Variants in C2CD5 observed in about 807,000 individuals in gnomAD.
The protein encoded by C2CD5 is C2 domain-containing protein 5.
In C2CD5, 109 loss-of-function variants were observed where a neutral mutation model predicts 130.3. The observed-to-expected ratio is 0.84, with a 90% CI of 0.72 to 0.98. The LOEUF is 0.98. Ranked by LOEUF, C2CD5 falls within the 50% of genes least tolerant of loss-of-function variation. The probability of loss-of-function intolerance (pLI) is 0.00; values close to 1 mark genes in which losing one functional copy is unlikely to be tolerated. For missense variants in C2CD5, 996 were observed against 1,261.8 expected (o/e 0.79, Z 3.19); for synonymous variants, 454 against 429.2 (o/e 1.06, Z -0.71).
intron 9 of C2CD5, among the ~76,000 whole-genome samples, chr12:22,509,965 G>A (rs941130307): frequency 6.6e-6 from 1 of 152,084 alleles, no homozygotes; most frequent in Non-Finnish European, 1.5e-5. Flanking sequence ...AGCACTTTGG[G>A]AGGCTGAGGT....
At chr12:22,463,067 G>A (rs996698495) in intron 22 of C2CD5, among the ~76,000 whole-genome samples, 61 of 150,882 alleles carry the variant, frequency 4.0e-4, no homozygotes, top group African/African-American at 1.4e-3. Flanking sequence ...CTGGGGGACA[G>A]AGTAAGACCC....
chr12:22,487,338 T>C (rs907048798), intron 12 of C2CD5, among the ~76,000 whole-genome samples: 4 of 151,660 alleles, frequency 2.6e-5, no homozygotes, highest in African/African-American at 4.9e-5. Context: ...GAATCTACAA[T>C]GAACTCAAAC....
chr12:22,478,705 G>T (rs552402224), intron 14 of C2CD5, among the ~76,000 whole-genome samples: 2 of 152,162 alleles, frequency 1.3e-5, no homozygotes, highest in South Asian at 2.1e-4. Flanking sequence ...AATTAGCCAG[G>T]TGTAGTGGTG....
rs759453788 is a variant in C2CD5, at chr12:22,452,531, C to G, written c.3024+1365G>C. On this transcript the variant is annotated intron_variant, in intron 26 of 26. Transcript: ENST00000446597. Reference sequence around the variant, plus strand: ...CTTTTAGATATGCCCCAATTATCTACCAAAAACCCTCCTAGGATGTTTCAT... The same window carrying G: ...CTTTTAGATATGCCCCAATTATCTAGCAAAAACCCTCCTAGGATGTTTCAT... Among the ~76,000 whole-genome samples the G allele has an allele frequency of 7.9e-5, 12 of 152,232 alleles. 1 individual carries two copies. The South Asian group carries it at 2.5e-3, about 32-fold the overall frequency.
intron 11 of C2CD5, among the ~76,000 whole-genome samples, 163 bp from the exon 12 acceptor site, chr12:22,490,381 A>C (rs11046443): frequency 0.06 from 9,108 of 152,272 alleles, 919 homozygotes; most frequent in African/African-American, 0.21. Context: ...CCTAGCCTAG[A>C]AAACAGAAGT....
intron 10 of C2CD5, among the ~76,000 whole-genome samples, chr12:22,498,234 A>T (rs1294438891): frequency 6.6e-6 from 1 of 152,146 alleles, no homozygotes; most frequent in Non-Finnish European, 1.5e-5. Flanking sequence ...ATATGCACAC[A>T]CCAAAATAGT....
At chr12:22,465,725 G>A (rs1197020547) in intron 22 of C2CD5, among the ~76,000 whole-genome samples, 2 of 151,764 alleles carry the variant, frequency 1.3e-5, no homozygotes, top group Admixed American at 1.3e-4. Context: ...AAAAACTCAG[G>A]TTTGGATATC....
At position 22,544,121 on chromosome 12, in the gene C2CD5, C is replaced by T; in HGVS notation, c.30G>A (p.Val10=). 5.6e-6 allele frequency: 9 copies of T among 1,613,988 alleles called. No individual in the cohort carries two copies. The highest frequency in any genetic ancestry group is 7.6e-6 in the Non-Finnish European group (9 of 1,179,944). The change falls in exon 2 of 27, where the codon GTG becomes GTA. Residue 10 remains valine (V), a synonymous_variant. Transcript: ENST00000446597. Reference sequence around the variant, plus strand: ...CCATCACTGGCAAATGGCGCCCGGCCACGATTTTCACCTTCAGCTTCCCTG... The same window carrying T: ...CCATCACTGGCAAATGGCGCCCGGCTACGATTTTCACCTTCAGCTTCCCTG... The part of the protein sequence containing the change: MPGKLKVKI[V]AGRHLPVMDR...
At chr12:22,517,223 T>C (rs1222620005) in intron 8 of C2CD5, among the ~76,000 whole-genome samples, 1 of 151,802 alleles carries the variant, frequency 6.6e-6, no homozygotes, top group Non-Finnish European at 1.5e-5. Context: ...ATGGGAAAAC[T>C]GTCAGACAAA....
In C2CD5 at chr12:22,456,971, C is replaced by T. The variant is rs765366084; in HGVS notation, c.2877G>A (p.Glu959=). The T allele has an allele frequency of 3.3e-6, 5 of 1,531,994 alleles. No homozygotes were observed. In the African/African-American group the frequency reaches 7.1e-5, roughly 22 times the overall value. 94.9% of individuals were successfully genotyped at this position (1,531,994 alleles called of 1,614,324 possible). ...AATGAAATAACTTCTATAAAATTAC[C>T]TCCCGAAGAGAAGTAGTCTCTCGAA... ...FFIRETTSLR[E]EGGVSGFLHA... is the part of the protein sequence containing the mutation. The change falls in exon 25 of 27, where the codon GAG becomes GAA. Residue 959 remains glutamate, a splice_region_variant and synonymous_variant. Transcript: ENST00000446597.
chr12:22,502,192 G>A (rs1947887719), intron 10 of C2CD5, among the ~76,000 whole-genome samples: 1 of 151,950 alleles, frequency 6.6e-6, no homozygotes, highest in South Asian at 2.1e-4. Context: ...AAGGGAAGGA[G>A]GAAAGTTTAA....
chr12:22,483,466 T>C (rs1254113285), intron 13 of C2CD5, among the ~76,000 whole-genome samples: 1 of 152,022 alleles, frequency 6.6e-6, no homozygotes, highest in Non-Finnish European at 1.5e-5. Flanking sequence ...CAGAAGACAG[T>C]GGTGAAAGAG....
At position 22,524,451 on chromosome 12, in the gene C2CD5, AAAG is replaced by A; in HGVS notation, c.601+18_601+20del. On this transcript the variant is annotated intron_variant, in intron 6 of 26. Transcript: ENST00000446597. ...AGAGAGTACTAAATCAGTCAGTAAT[AAAG>A]TTATTTTTTTTAAATACCTGACATT... 1 of 1,607,796 alleles carries A rather than the reference AAAG, an allele frequency of 6.2e-7. No individual in the cohort carries two copies. Among genetic ancestry groups the A allele is most frequent in the Middle Eastern group, 1.7e-4 (1 of 6,046 alleles).
intron 14 of C2CD5, among the ~76,000 whole-genome samples, chr12:22,479,387 T>TA (rs1944376223): frequency 1.3e-5 from 2 of 151,428 alleles, no homozygotes; most frequent in Admixed American, 1.3e-4. Context: ...CCTCATAATT[T>TA]AAAAAAATAT....
In C2CD5 at chr12:22,472,084, A is replaced by G; in HGVS notation, c.2170-19T>C. 1 of 1,327,200 alleles carries G rather than the reference A, an allele frequency of 7.5e-7. No homozygotes were observed. The highest frequency in any genetic ancestry group is 1.5e-5 in the African/African-American group (1 of 68,446). The allele number at this position is 1,327,200 out of a possible 1,614,324, so 82.2% of individuals were successfully genotyped here. A position where few individuals can be genotyped will look rare whatever the true frequency, so the allele number is the denominator to read the frequency against. On this transcript the variant is annotated intron_variant, in intron 18 of 26. Transcript: ENST00000446597. ...TGAACATCTAAATGTGGGGTGACAT[A>G]ACATGTCATTTTATTATTTTTAACT...
At chr12:22,543,133 G>C (rs1466401534) in intron 2 of C2CD5, among the ~76,000 whole-genome samples, 1 of 152,148 alleles carries the variant, frequency 6.6e-6, no homozygotes, top group Non-Finnish European at 1.5e-5. Flanking sequence ...AGATGAAATC[G>C]AGCTATATAT....
chr12:22,542,215 C>G (rs754292158), intron 2 of C2CD5, among the ~76,000 whole-genome samples: 2 of 152,188 alleles, frequency 1.3e-5, no homozygotes, highest in Non-Finnish European at 2.9e-5. Context: ...CAAACTAATA[C>G]AAACATGATC....
rs1331345828 is a variant in C2CD5, at chr12:22,471,991, A to G, written c.2244T>C (p.Asn748=). ...LTNQALNKNF[N]DLCENLLKSL... The stretch of plus-strand genomic sequence containing the variant: ...CCTTGAGCAAATTTTCACAGAGATC[A>G]TTAAAGTTCTTATTGAGAGCTTGAT... Residue 748 remains asparagine (N), a synonymous_variant, in exon 19 of 27, where the codon AAT becomes AAC. Transcript: ENST00000446597. 3 of 1,606,808 alleles carry G rather than the reference A, an allele frequency of 1.9e-6. No homozygotes were observed. The African/African-American group carries it at 4.0e-5, about 21-fold the overall frequency.
chr12:22,521,214 T>A (rs976069436), intron 7 of C2CD5, among the ~76,000 whole-genome samples: 2 of 152,090 alleles, frequency 1.3e-5, no homozygotes, highest in Non-Finnish European at 2.9e-5. Flanking sequence ...TCTCAAAAAA[T>A]ACAATGAAGC....
Sources: allele counts gnomAD v4.1 joint callset (sites outside exome capture counted in the v4.1 genomes callset), GRCh38; gene constraint gnomAD v4.1.1; transcripts MANE v1.5; gene names NCBI Gene and HGNC (gene_info 2026-07-23, HGNC 2026-07-21).